ROBO1: variants seen among roughly 807,000 people sequenced by gnomAD.
The protein encoded by ROBO1 is roundabout homolog 1.
A neutral mutation model predicts 195.9 loss-of-function variants in ROBO1; 149 were observed. That is an observed-to-expected ratio of 0.76 (90% CI 0.67 to 0.87). The LOEUF (loss-of-function observed/expected upper bound fraction) is 0.87. Ranked by LOEUF, ROBO1 falls within the 40% of genes least tolerant of loss-of-function variation. The probability of loss-of-function intolerance (pLI) is 0.00; values close to 1 mark genes in which losing one functional copy is unlikely to be tolerated. For missense variants in ROBO1, 1,933 were observed against 2,068.3 expected, an observed-to-expected ratio of 0.93 and a Z score of 1.27; for synonymous variants, 816 against 733.2, an observed-to-expected ratio of 1.11 and a Z score of -1.82.
rs1559772354 is a variant in ROBO1 at position 78,711,321 on chromosome 3, C to CCCCT, written c.1045+3075_1045+3076insAGGG. 6.4e-5 allele frequency among the ~76,000 whole-genome samples: 9 copies of CCCCT among 141,624 alleles called. 3 individuals carry two copies. The highest frequency in any genetic ancestry group is 2.5e-4 in the African/African-American group (9 of 36,636). 92.9% of individuals were successfully genotyped at this position (141,624 alleles called of 152,430 possible). On this transcript the variant is annotated intron_variant, in intron 8 of 30. Coordinates refer to ENST00000464233, the MANE Select transcript of ROBO1 (RefSeq NM_002941.4). Reference sequence around the variant, plus strand: ...TCTCTTTCTTTCTTTCTTTCTCTCTCTCTCTCCTTCCTTCCTTCCTTCCTT... The same window carrying CCCCT: ...TCTCTTTCTTTCTTTCTTTCTCTCTCCCCTTCTCTCCTTCCTTCCTTCCTTCCTT...
chr3:79,513,974 TCTGA>T (rs930287829), intron 2 of ROBO1, among the ~76,000 whole-genome samples: 1 of 152,336 alleles, frequency 6.6e-6, no homozygotes, highest in East Asian at 1.9e-4. Flanking sequence ...CAGAACTTCT[TCTGA>T]CTATTTTTGC....
intron 2 of ROBO1, among the ~76,000 whole-genome samples, chr3:79,318,957 A>G (rs1457176153): frequency 6.6e-6 from 1 of 152,218 alleles, no homozygotes; most frequent in Non-Finnish European, 1.5e-5. Flanking sequence ...ATATCATTTC[A>G]ACATATAATC....
At chr3:79,524,048 T>C (rs181525194) in intron 2 of ROBO1, among the ~76,000 whole-genome samples, 225 of 152,190 alleles carry the variant, frequency 1.5e-3, no homozygotes, top group African/African-American at 5.1e-3. Flanking sequence ...AAAAACATTT[T>C]GATGTTATGA....
chr3:79,052,582 C>A (rs1381108270), intron 3 of ROBO1, among the ~76,000 whole-genome samples: 1 of 152,078 alleles, frequency 6.6e-6, no homozygotes, highest in Non-Finnish European at 1.5e-5. Flanking sequence ...TTTTGCAGCT[C>A]AGGGGGAATC....
intron 2 of ROBO1, among the ~76,000 whole-genome samples, chr3:79,506,270 A>G (rs1050258599): frequency 2.0e-5 from 3 of 152,170 alleles, no homozygotes; most frequent in African/African-American, 7.2e-5. Flanking sequence ...ATCAATTAGA[A>G]GATTTTTAAG....
At chr3:79,652,692 G>A (rs1182949963) in intron 1 of ROBO1, among the ~76,000 whole-genome samples, 2 of 151,962 alleles carry the variant, frequency 1.3e-5, no homozygotes, top group East Asian at 3.9e-4. Context: ...AATAGTAGTG[G>A]TGGTGATGGC....
intron 1 of ROBO1, among the ~76,000 whole-genome samples, chr3:79,682,175 T>C (rs1300169270): frequency 6.6e-6 from 1 of 152,020 alleles, no homozygotes; most frequent in African/African-American, 2.4e-5. Flanking sequence ...GAATAAATAA[T>C]ACCCATTTTC....
At chr3:78,725,271 C>A (rs969428851) in intron 5 of ROBO1, among the ~76,000 whole-genome samples, 1 of 152,008 alleles carries the variant, frequency 6.6e-6, no homozygotes, top group Non-Finnish European at 1.5e-5. Flanking sequence ...TGGTCTTGCT[C>A]CTTTTTGGGA....
At chr3:79,576,631 A>G (rs1287220083) in intron 2 of ROBO1, among the ~76,000 whole-genome samples, 1 of 152,146 alleles carries the variant, frequency 6.6e-6, no homozygotes, top group African/African-American at 2.4e-5. Flanking sequence ...GCTTTTGGTT[A>G]ACATTGCCCA....
At position 78,667,984 on chromosome 3, in the gene ROBO1, T is replaced by C. The variant is rs1053495301; in HGVS notation, c.1865A>G (p.Lys622Arg). Residue 622 changes from lysine to arginine, a missense_variant, in exon 14 of 31, where the codon AAA (lysine) becomes AGA (arginine). By Grantham distance (26) the Lys-to-Arg change is conservative. This residue lies in a region of ROBO1 where 1,737 missense variants were observed against 1,882.5 expected (regional missense o/e 0.92). Coordinates refer to ENST00000464233, the MANE Select transcript of ROBO1 (RefSeq NM_002941.4). ...ENVKTETSAI[K>R]GLKPNAIYLF... ...GTAAATTGCATTAGGTTTGAGTCCT[T>C]TAATGGCAGATGTTTCTGTTTTCAC... The C allele has an allele frequency of 7.4e-6, 12 of 1,613,664 alleles. No individual in the cohort carries two copies. The highest frequency in any genetic ancestry group is 5.3e-5 in the African/African-American group (4 of 74,908).
At chr3:79,198,646 G>A (rs1428904478) in intron 2 of ROBO1, among the ~76,000 whole-genome samples, 1 of 151,890 alleles carries the variant, frequency 6.6e-6, no homozygotes, top group Admixed American at 6.6e-5. Context: ...TCATTTTCAC[G>A]ATATTGATTC....
chr3:78,622,845 A>C (rs1026128965), intron 26 of ROBO1, among the ~76,000 whole-genome samples: 14 of 152,206 alleles, frequency 9.2e-5, no homozygotes, highest in African/African-American at 3.4e-4. Context: ...CTGGAGGATA[A>C]GACTCCATGT....
At chr3:78,863,170 T>G (rs2034955421) in intron 4 of ROBO1, among the ~76,000 whole-genome samples, 1 of 152,200 alleles carries the variant, frequency 6.6e-6, no homozygotes, top group African/African-American at 2.4e-5. Flanking sequence ...ATGGTCTCTC[T>G]AAGTCTCTAT....
chr3:79,589,989 G>T, intron 1 of ROBO1, 28 bp from the exon 2 acceptor site: 1 of 976,172 alleles, frequency 1.0e-6, no homozygotes, highest in Non-Finnish European at 1.6e-6. Flanking sequence ...ATATTATTTT[G>T]TAATGGTTAG....
At chr3:79,099,181 T>C (rs140652904) in intron 3 of ROBO1, among the ~76,000 whole-genome samples, 1 of 151,892 alleles carries the variant, frequency 6.6e-6, no homozygotes, top group East Asian at 1.9e-4. Flanking sequence ...TTTTTCTGCC[T>C]CTAGATTGGC....
chr3:79,566,938 C>T (rs1017011912), intron 2 of ROBO1, among the ~76,000 whole-genome samples: 4 of 151,818 alleles, frequency 2.6e-5, no homozygotes, highest in African/African-American at 9.7e-5. Context: ...TGGAATAAAT[C>T]GAGACACATG....
In ROBO1 at chr3:78,668,541, A is replaced by G. The variant is rs1400004931; in HGVS notation, c.1573T>C (p.Cys525Arg). The change falls in exon 12 of 31, where the codon TGC becomes CGC. Residue 525 changes from cysteine to arginine, a missense_variant. Physicochemically the swap from Cys to Arg is radical, Grantham distance 180 (BLOSUM62 -3). Coordinates refer to ENST00000464233, the MANE Select transcript of ROBO1 (RefSeq NM_002941.4). Reference protein sequence around the residue: ...AKLGDTGRYTCIASTPSGEAT... With the variant: ...AKLGDTGRYTRIASTPSGEAT... ...TCACCACTGGGGGTTGATGCAATGC[A>G]GGTGTACCGACCAGTATCACCCAGC... The G allele has an allele frequency of 6.2e-7, 1 of 1,613,876 alleles. No homozygotes were observed.
chr3:79,225,755 T>C (rs1018871109), intron 2 of ROBO1, among the ~76,000 whole-genome samples: 1 of 152,224 alleles, frequency 6.6e-6, no homozygotes. Context: ...CTTCTTCTAA[T>C]ATAACATGCT....
chr3:79,102,916 T>C (rs2079705424), intron 3 of ROBO1, among the ~76,000 whole-genome samples: 1 of 151,834 alleles, frequency 6.6e-6, no homozygotes, highest in African/African-American at 2.4e-5. Context: ...ATGTATAGAA[T>C]TGATAGCTAG....
Sources: allele counts gnomAD v4.1 joint callset (sites outside exome capture counted in the v4.1 genomes callset), GRCh38; gene constraint gnomAD v4.1.1; regional missense constraint gnomAD v4.1.1; transcripts MANE v1.5; gene names NCBI Gene and HGNC (gene_info 2026-07-23, HGNC 2026-07-21).